Variants in PPP2R2D observed in about 807,000 individuals in gnomAD.
PPP2R2D encodes the protein serine/threonine-protein phosphatase 2A 55 kDa regulatory subunit B delta isoform.
PPP2R2D carries 9 observed loss-of-function variants against 31.1 expected under a neutral mutation model. The ratio of observed to expected loss-of-function variants is 0.29; its 90% CI spans 0.17 to 0.51. The LOEUF (loss-of-function observed/expected upper bound fraction) is 0.51. Among genes scored for constraint, PPP2R2D ranks in the 20% least tolerant of loss-of-function variants. PPP2R2D has a pLI of 0.98. For missense variants in PPP2R2D, 391 were observed against 465.6 expected (o/e 0.84, Z 1.48); for synonymous variants, 179 against 172.6 (o/e 1.04, Z -0.29).
intron 2 of PPP2R2D, among the ~76,000 whole-genome samples, chr10:131,932,646 C>CAAAAAAAAAAAAAAAAAAAA (rs368610703): frequency 2.2e-4 from 13 of 57,842 alleles, no homozygotes; most frequent in African/African-American, 4.2e-4. Context: ...CAGCCTGTCT[C>CAAAAAAAAAAAAAAAAAAAA]AAAAAAAAAA....
At chr10:131,918,256 GAC>G (rs199935018) in intron 2 of PPP2R2D, among the ~76,000 whole-genome samples, 6 of 150,080 alleles carry the variant, frequency 4.0e-5, no homozygotes, top group East Asian at 2.1e-4. Flanking sequence ...CAGGTGGAAT[GAC>G]ACAGTGTTTG....
rs782389804 is a variant in PPP2R2D at position 131,945,256 on chromosome 10, A to G, written c.656-39A>G. 1 of 1,586,442 alleles carries G rather than the reference A, an allele frequency of 6.3e-7. No homozygotes were observed. Among genetic ancestry groups the G allele is most frequent in the East Asian group, 2.3e-5 (1 of 44,416 alleles). On this transcript the variant is annotated intron_variant, in intron 6 of 8. Transcript: ENST00000455566. The surrounding 1 kb of genome is among the most constrained non-coding windows in gnomAD (Gnocchi z 4.8). ...ACTGAATGTAGACTAATTAACAACCAGCTGAGCTGAGCACTGTGCCTTAAC... is the reference window on the plus strand; with the variant it reads ...ACTGAATGTAGACTAATTAACAACCGGCTGAGCTGAGCACTGTGCCTTAAC...
the PPP2R2D span, chr10:131,968,537 G>C: frequency 6.2e-7 from 1 of 1,601,030 alleles, no homozygotes; most frequent in African/African-American, 1.3e-5. Flanking sequence ...AAAGGTGCTG[G>C]TGGAGGTTGT....
chr10:131,964,487 C>T (rs139925876), downstream of PPP2R2D, among the ~76,000 whole-genome samples: 4 of 151,988 alleles, frequency 2.6e-5, no homozygotes, highest in East Asian at 1.9e-4. Context: ...CGGCTCAAAC[C>T]GCGACTCACT....
intron 2 of PPP2R2D, chr10:131,911,603 C>G (rs1036602763): frequency 2.6e-5 from 4 of 152,366 alleles, no homozygotes; most frequent in African/African-American, 9.6e-5. Flanking sequence ...ACAGATCATG[C>G]TGAGCCGCCA....
intron 2 of PPP2R2D, among the ~76,000 whole-genome samples, chr10:131,919,892 C>T (rs1243894266): frequency 2.2e-5 from 3 of 138,762 alleles, no homozygotes; most frequent in African/African-American, 5.5e-5. Flanking sequence ...GGTGGGATGA[C>T]GCAGTGTAGG....
At chr10:131,905,774 A>T (rs952263424) in intron 2 of PPP2R2D, among the ~76,000 whole-genome samples, 1 of 152,246 alleles carries the variant, frequency 6.6e-6, no homozygotes, top group Non-Finnish European at 1.5e-5. Flanking sequence ...GACTGGCCGC[A>T]GAGCCGTGGA....
At chr10:131,927,204 G>A (rs1018043579) in intron 2 of PPP2R2D, among the ~76,000 whole-genome samples, 3 of 152,110 alleles carry the variant, frequency 2.0e-5, no homozygotes, top group African/African-American at 7.2e-5. Flanking sequence ...TGAGGGGAGA[G>A]GAGAGGTGTG....
At chr10:131,954,068 C>T (rs1194396860) in intron 8 of PPP2R2D, among the ~76,000 whole-genome samples, 2 of 152,160 alleles carry the variant, frequency 1.3e-5, no homozygotes, top group Admixed American at 6.5e-5. Context: ...TGTTCTAGGT[C>T]GCCCCACAGA....
At chr10:131,952,489 G>C (rs1343935684) in intron 8 of PPP2R2D, among the ~76,000 whole-genome samples, 1 of 96,716 alleles carries the variant, frequency 1.0e-5, no homozygotes, top group Non-Finnish European at 2.0e-5. Context: ...TGGTGTGCGG[G>C]GGGGTTCACT....
At chr10:131,939,549 A>C (rs71480020) in intron 3 of PPP2R2D, among the ~76,000 whole-genome samples, 1 of 91,336 alleles carries the variant, frequency 1.1e-5, no homozygotes, top group African/African-American at 4.1e-5. Flanking sequence ...CTGCTCCAGA[A>C]AATACGGCAG....
chr10:131,903,078 T>C (rs897342343), intron 2 of PPP2R2D, among the ~76,000 whole-genome samples: 248 of 151,864 alleles, frequency 1.6e-3, no homozygotes, highest in Non-Finnish European at 3.0e-3. Context: ...AAAAAAAAAA[T>C]TATTGATAAG....
intron 2 of PPP2R2D, among the ~76,000 whole-genome samples, chr10:131,903,697 G>C (rs2035538121): frequency 6.6e-6 from 1 of 152,132 alleles, no homozygotes; most frequent in Non-Finnish European, 1.5e-5. Flanking sequence ...ATCCATGTAT[G>C]CTTTGGCCAT....
chr10:131,925,335 TTGAG>T (rs2119817935), intron 2 of PPP2R2D, among the ~76,000 whole-genome samples: 1 of 152,300 alleles, frequency 6.6e-6, no homozygotes, highest in East Asian at 1.9e-4. Flanking sequence ...TCTTAGTTGG[TTGAG>T]TGTTTTTATC....
chr10:131,901,606 G>A (rs1014961596), intron 2 of PPP2R2D, among the ~76,000 whole-genome samples: 1 of 152,166 alleles, frequency 6.6e-6, no homozygotes, highest in African/African-American at 2.4e-5. Context: ...CGAACCCAGC[G>A]CCTGGGGCTG....
At chr10:131,924,403 T>C (rs2036059477) in intron 2 of PPP2R2D, among the ~76,000 whole-genome samples, 1 of 152,198 alleles carries the variant, frequency 6.6e-6, no homozygotes, top group African/African-American at 2.4e-5. Context: ...TGTGGATATT[T>C]AGATGTCCTG....
intron 2 of PPP2R2D, among the ~76,000 whole-genome samples, chr10:131,920,362 A>T (rs1336061603): frequency 8.1e-6 from 1 of 123,260 alleles, no homozygotes; most frequent in Admixed American, 8.5e-5. Flanking sequence ...GGCAGGTGGA[A>T]TGACACAGTG....
chr10:131,923,935 T>A (rs1447902240), intron 2 of PPP2R2D, among the ~76,000 whole-genome samples: 4 of 152,090 alleles, frequency 2.6e-5, no homozygotes, highest in Non-Finnish European at 2.9e-5. Context: ...TTTTAAAAAA[T>A]TTTTGATAGA....
At chr10:131,952,136 CGGG>C (rs71009988) in intron 8 of PPP2R2D, among the ~76,000 whole-genome samples, 2 of 44,492 alleles carry the variant, frequency 4.5e-5, no homozygotes, top group African/African-American at 2.0e-4. Context: ...TGCGGGTGTG[CGGG>C]GGGGTTCACT....
Sources: allele counts gnomAD v4.1 joint callset (sites outside exome capture counted in the v4.1 genomes callset), GRCh38; gene constraint gnomAD v4.1.1; non-coding constraint Gnocchi (gnomAD v3.1); transcripts MANE v1.5; gene names NCBI Gene and HGNC (gene_info 2026-07-23, HGNC 2026-07-21).